BTNL8: variants seen among roughly 807,000 people sequenced by gnomAD.
The protein encoded by BTNL8 is butyrophilin-like protein 8.
A neutral mutation model predicts 36.1 loss-of-function variants in BTNL8; 22 were observed. The ratio of observed to expected loss-of-function variants is 0.61; its 90% CI spans 0.44 to 0.87. The LOEUF is 0.87. BTNL8 is among the 40% of genes least tolerant of loss of function. BTNL8 has a pLI of 0.00. For missense variants in BTNL8, 526 were observed against 616.9 expected, an observed-to-expected ratio of 0.85 and a Z score of 1.56; for synonymous variants, 203 against 235.6, an observed-to-expected ratio of 0.86 and a Z score of 1.27.
Position 180,935,920 on chromosome 5 carries a change from T to A in BTNL8, c.674-11592T>A, listed in dbSNP as rs1434205119. On this transcript the variant is annotated intron_variant, in intron 3 of 7. Transcript: ENST00000340184. The surrounding 1 kb of genome is among the most constrained non-coding windows in gnomAD (Gnocchi z 4.8). ...ATACAAGAATGCCCATTCTTATAAC[T>A]TTTTTTTTTTTTGGTGTCTTGCTCT... Among the ~76,000 whole-genome samples the A allele has an allele frequency of 1.5e-5, 2 of 136,136 alleles. No homozygotes were observed. The highest frequency in any genetic ancestry group is 3.3e-5 in the Non-Finnish European group (2 of 61,254). The allele number at this position is 136,136 out of a possible 152,430, so 89.3% of individuals were successfully genotyped here.
At chr5:180,918,625 A>G (rs36012179) in intron 3 of BTNL8, among the ~76,000 whole-genome samples, 68,239 of 152,006 alleles carry the variant, frequency 0.45, 16,416 homozygotes, top group African/African-American at 0.63. Flanking sequence ...AGTCTCAACA[A>G]GTCCTGAGAA....
chr5:180,949,773 C>T lies in BTNL8; in HGVS notation c.863-131C>T, dbSNP rs113732333. On this transcript the variant is annotated intron_variant, in intron 7 of 7. Coordinates refer to ENST00000340184, the MANE Select transcript of BTNL8 (RefSeq NM_001040462.3). Reference sequence around the variant, plus strand: ...GAGAGGACCTGAAAGGCAGTGTCTGCGGGAGGCTCAGGTCCGGGGCCTCAC... The same window carrying T: ...GAGAGGACCTGAAAGGCAGTGTCTGTGGGAGGCTCAGGTCCGGGGCCTCAC... The T allele has an allele frequency of 7.6e-5, 86 of 1,138,238 alleles. 11 individuals carry two copies. In the African/African-American group the frequency reaches 8.7e-4, roughly 12 times the overall value. The allele number at this position is 1,138,238 out of a possible 1,614,324, so 70.5% of individuals were successfully genotyped here.
At position 180,950,823 on chromosome 5, in the gene BTNL8, G is replaced by C. The variant is rs574247865; in HGVS notation, c.*279G>C. 243 of 431,020 alleles carry C rather than the reference G, an allele frequency of 5.6e-4. 34 individuals carry two copies. Among genetic ancestry groups the C allele is most frequent in the South Asian group, 3.7e-3 (163 of 43,682 alleles). The allele number at this position is 431,020 out of a possible 1,614,324, so 26.7% of individuals were successfully genotyped here. A position where few individuals can be genotyped will look rare whatever the true frequency, so the allele number is the denominator to read the frequency against. On this transcript the variant is annotated 3_prime_UTR_variant, in exon 8 of 8. Coordinates refer to ENST00000340184, the MANE Select transcript of BTNL8 (RefSeq NM_001040462.3). ...CACAGGCTGTGGTGTAGATTAAGTA[G>C]ACAAGGAATGTGAATAATGCTTAGA...
At chr5:180,901,849 A>G (rs1243819563) in intron 1 of BTNL8, among the ~76,000 whole-genome samples, 1 of 152,244 alleles carries the variant, frequency 6.6e-6, no homozygotes, top group Admixed American at 6.5e-5. Flanking sequence ...GGCACATGCT[A>G]TGGAAAATAT....
At chr5:180,922,664 T>C (rs1757922113) in intron 3 of BTNL8, among the ~76,000 whole-genome samples, 1 of 135,256 alleles carries the variant, frequency 7.4e-6, no homozygotes. Context: ...AGAATGTATA[T>C]CCTGTTATTT....
rs1295191468 is a variant in BTNL8 at position 180,949,489 on chromosome 5, C to G, written c.862+224C>G. 1.5e-5 allele frequency: 10 copies of G among 687,382 alleles called. 2 individuals carry two copies. Among genetic ancestry groups the G allele is most frequent in the Non-Finnish European group, 2.1e-5 (9 of 437,960 alleles). 42.6% of individuals were successfully genotyped at this position (687,382 alleles called of 1,614,324 possible). On this transcript the variant is annotated intron_variant, in intron 7 of 7. Transcript: ENST00000340184. Reference sequence around the variant, plus strand: ...AGACAGGGGCTGGGTAAACGGGAGACGGGGGGGTCTTTGGCACAGTTTCAG... The same window carrying G: ...AGACAGGGGCTGGGTAAACGGGAGAGGGGGGGGTCTTTGGCACAGTTTCAG...
At position 180,940,478 on chromosome 5, in the gene BTNL8, C is replaced by T. The variant is rs145765783; in HGVS notation, c.674-7034C>T. The stretch of plus-strand genomic sequence containing the variant: ...TATTTCAAGTAGAAAAAACTCCAAA[C>T]AATTAGCCTCAAGAAACTAGAAGGG... On this transcript the variant is annotated intron_variant, in intron 3 of 7. Transcript: ENST00000340184. 2.0e-3 allele frequency among the ~76,000 whole-genome samples: 308 copies of T among 151,538 alleles called. 2 individuals carry two copies. Among genetic ancestry groups the T allele is most frequent in the African/African-American group, 7.3e-3 (300 of 41,328 alleles).
intron 3 of BTNL8, among the ~76,000 whole-genome samples, chr5:180,923,830 T>C (rs573870174): frequency 2.0e-5 from 3 of 152,244 alleles, no homozygotes; most frequent in Non-Finnish European, 4.4e-5. Context: ...ACAAAATACA[T>C]TGCATTTTAT....
chr5:180,931,680 AT>A lies in BTNL8; in HGVS notation c.674-15829del, dbSNP rs1371241275. Among the ~76,000 whole-genome samples, 5 of 152,244 alleles carry A rather than the reference AT, an allele frequency of 3.3e-5. No individual in the cohort carries two copies. In the East Asian group the frequency reaches 9.6e-4, roughly 29 times the overall value. Reference sequence around the variant, plus strand: ...GAACAGACACTTCTCAAATGAAGACATTTATGTGGCCAACAAACGTGAAAAA... The same window carrying A: ...GAACAGACACTTCTCAAATGAAGACATTATGTGGCCAACAAACGTGAAAAA... On this transcript the variant is annotated intron_variant, in intron 3 of 7. Transcript: ENST00000340184.
chr5:180,916,697 T>C (rs2113795977), intron 3 of BTNL8, among the ~76,000 whole-genome samples: 1 of 152,318 alleles, frequency 6.6e-6, no homozygotes, highest in South Asian at 2.1e-4. Flanking sequence ...AGTTCTCCCT[T>C]ATCCACAGGG....
rs992663295 is a variant in BTNL8 at position 180,935,305 on chromosome 5, A to T, written c.674-12207A>T. On this transcript the variant is annotated intron_variant, in intron 3 of 7. Coordinates refer to ENST00000340184, the MANE Select transcript of BTNL8 (RefSeq NM_001040462.3). This position sits in a 1 kb window ranked among gnomAD's most constrained non-coding sequence, Gnocchi z 4.8. The stretch of plus-strand genomic sequence containing the variant: ...CCCAGGAACCTGTTTCCCTTCCACC[A>T]TCAACATGCCATCCATGGTACCTGG... 6.6e-6 allele frequency among the ~76,000 whole-genome samples: 1 copy of T among 152,128 alleles called. No individual in the cohort carries two copies. Among genetic ancestry groups the T allele is most frequent in the African/African-American group, 2.4e-5 (1 of 41,436 alleles).
chr5:180,923,935 T>C lies in BTNL8; in HGVS notation c.673+12321T>C, dbSNP rs142080179. On this transcript the variant is annotated intron_variant, in intron 3 of 7. Coordinates refer to ENST00000340184, the MANE Select transcript of BTNL8 (RefSeq NM_001040462.3). ...ATTTAATAAAATATTTTTATACTCT[T>C]ATTAAGGATTAGATAAGTTTACTAA... Among the ~76,000 whole-genome samples, 380 of 152,340 alleles carry C rather than the reference T, an allele frequency of 2.5e-3. 2 individuals are homozygous for C. The highest frequency in any genetic ancestry group is 8.9e-3 in the African/African-American group (368 of 41,578).
At chr5:180,926,206 C>G (rs566648890) in intron 3 of BTNL8, among the ~76,000 whole-genome samples, 1 of 152,332 alleles carries the variant, frequency 6.6e-6, no homozygotes, top group African/African-American at 2.4e-5. Context: ...ATCACCTCAC[C>G]TGGGAAGTGC....
At chr5:180,917,102 A>G (rs1174050034) in intron 3 of BTNL8, among the ~76,000 whole-genome samples, 2 of 124,334 alleles carry the variant, frequency 1.6e-5, no homozygotes, top group African/African-American at 4.4e-5. Flanking sequence ...CTATGGCACT[A>G]TGAAAAGTCA....
intron 3 of BTNL8, among the ~76,000 whole-genome samples, chr5:180,923,369 ATAAGT>A (rs1441895464): frequency 6.6e-6 from 1 of 152,164 alleles, no homozygotes; most frequent in Non-Finnish European, 1.5e-5. Context: ...TATTACCTTA[ATAAGT>A]TAAAGGAGAA....
chr5:180,900,391 A>C (rs943713640), intron 1 of BTNL8, among the ~76,000 whole-genome samples: 1 of 152,214 alleles, frequency 6.6e-6, no homozygotes, highest in Non-Finnish European at 1.5e-5. Flanking sequence ...TGAGGACTGC[A>C]TGAGCTTGTG....
intron 3 of BTNL8, among the ~76,000 whole-genome samples, chr5:180,934,874 A>G (rs1424770815): frequency 6.6e-6 from 1 of 152,162 alleles, no homozygotes; most frequent in Non-Finnish European, 1.5e-5. Flanking sequence ...CAGCTTTTTC[A>G]GTCCCACCTT....
At chr5:180,923,325 T>TAA (rs1460260495) in intron 3 of BTNL8, among the ~76,000 whole-genome samples, 2 of 152,164 alleles carry the variant, frequency 1.3e-5, no homozygotes, top group Non-Finnish European at 2.9e-5. Context: ...AATAAAAGGT[T>TAA]AGGTCAACAT....
At chr5:180,928,264 C>T (rs1000203615) in intron 3 of BTNL8, among the ~76,000 whole-genome samples, 1 of 152,132 alleles carries the variant, frequency 6.6e-6, no homozygotes, top group Admixed American at 6.5e-5. Context: ...AAATAAAATC[C>T]TTTACAGAAA....
Sources: gnomAD v4.1 joint callset for allele counts (sites outside exome capture counted in the v4.1 genomes callset) on GRCh38, gnomAD v4.1.1 for gene constraint, Gnocchi (gnomAD v3.1) non-coding constraint, MANE v1.5 for transcripts, NCBI Gene and HGNC (gene_info 2026-07-23, HGNC 2026-07-21) for gene names.